The following ARHGAP31 variants were observed in gnomAD, a reference collection of about 807,000 sequenced individuals.
ARHGAP31 encodes Rho GTPase activating protein 31, also known as rho GTPase-activating protein 31.
In ARHGAP31, 34 loss-of-function variants were observed where a neutral mutation model predicts 113.9. The ratio of observed to expected loss-of-function variants is 0.30; its 90% CI spans 0.23 to 0.40. ARHGAP31 has a LOEUF of 0.40. Ranked by LOEUF, ARHGAP31 falls within the 10% of genes least tolerant of loss-of-function variation. ARHGAP31 has a pLI of 1.00. For missense variants in ARHGAP31, 1,548 were observed against 1,767.1 expected, an observed-to-expected ratio of 0.88 and a Z score of 2.22; for synonymous variants, 650 against 684.8, an observed-to-expected ratio of 0.95 and a Z score of 0.79.
At chr3:119,409,161 C>T (rs188717874) in intron 10 of ARHGAP31, among the ~76,000 whole-genome samples, 4 of 152,268 alleles carry the variant, frequency 2.6e-5, no homozygotes, top group East Asian at 1.9e-4. Context: ...CAGTAGCATT[C>T]ACCCCTCCCC....
chr3:119,300,279 A>G (rs2079569682), intron 1 of ARHGAP31, among the ~76,000 whole-genome samples: 1 of 152,218 alleles, frequency 6.6e-6, no homozygotes, highest in African/African-American at 2.4e-5. Flanking sequence ...AGCTATTATC[A>G]TGGCACCCTG....
chr3:119,406,041 T>C (rs2080657797), intron 10 of ARHGAP31, among the ~76,000 whole-genome samples: 1 of 152,166 alleles, frequency 6.6e-6, no homozygotes, highest in Non-Finnish European at 1.5e-5. Flanking sequence ...TGGATTCAAT[T>C]GGAATCACTG....
rs1025447113 is a variant in ARHGAP31 at position 119,417,777 on chromosome 3, A to G, written c.*1513A>G. ...CAGCTGGCGAGAGAAAGGAGAACTA[A>G]TATACCTGCTGGCAGATTTTTGGTG... On this transcript the variant is annotated 3_prime_UTR_variant, in exon 12 of 12. Coordinates refer to ENST00000264245, the MANE Select transcript of ARHGAP31 (RefSeq NM_020754.4). The G allele has an allele frequency of 5.3e-5, 8 of 152,146 alleles. No individual in the cohort carries two copies. Among genetic ancestry groups the G allele is most frequent in the Admixed American group, 5.2e-4 (8 of 15,272 alleles). The allele number at this position is 152,146 out of a possible 1,614,324, so 9.4% of individuals were successfully genotyped here. A position where few individuals can be genotyped will look rare whatever the true frequency, so the allele number is the denominator to read the frequency against.
At chr3:119,359,934 C>T (rs1231824042) in intron 1 of ARHGAP31, among the ~76,000 whole-genome samples, 1 of 151,906 alleles carries the variant, frequency 6.6e-6, no homozygotes, top group African/African-American at 2.4e-5. Flanking sequence ...TGTCTTGTCT[C>T]CCTCATTATC....
rs565728106 is a variant in ARHGAP31 at position 119,382,398 on chromosome 3, A to T, written c.538A>T (p.Arg180Trp). The part of the protein sequence containing the change: ...LALVWAPNLL[R>W]SKEIEATGCN... ...CCTGGTGTGGGCGCCAAACCTCCTC[A>T]GGTAACCACTCTACCCTCCCCTTGT... Residue 180 changes from arginine to tryptophan, a missense_variant and splice_region_variant, in exon 5 of 12, where the codon AGG becomes TGG. Arg to Trp is a moderately radical substitution (Grantham distance 101, BLOSUM62 -3). Coordinates refer to ENST00000264245, the MANE Select transcript of ARHGAP31 (RefSeq NM_020754.4). 1.7e-5 allele frequency: 27 copies of T among 1,613,844 alleles called. No homozygotes were observed. The East Asian group carries it at 5.6e-4, about 33-fold the overall frequency.
At chr3:119,318,400 C>T (rs1296295111) in intron 1 of ARHGAP31, among the ~76,000 whole-genome samples, 3 of 152,172 alleles carry the variant, frequency 2.0e-5, no homozygotes, top group Middle Eastern at 3.2e-3. Context: ...ATTTCAAAGA[C>T]GGCATTATTG....
At chr3:119,337,533 C>A (rs544344238) in intron 1 of ARHGAP31, among the ~76,000 whole-genome samples, 1 of 152,174 alleles carries the variant, frequency 6.6e-6, no homozygotes, top group Admixed American at 6.5e-5. Flanking sequence ...ACTGTGGGTG[C>A]CAGTGGCCTG....
rs75088432 is a variant in ARHGAP31, at chr3:119,306,889, A to G, written c.100+11885A>G. Among the ~76,000 whole-genome samples the G allele has an allele frequency of 2.5e-4, 38 of 152,336 alleles. No homozygotes were observed. The South Asian group carries it at 7.5e-3, about 30-fold the overall frequency. On this transcript the variant is annotated intron_variant, in intron 1 of 11. Coordinates refer to ENST00000264245, the MANE Select transcript of ARHGAP31 (RefSeq NM_020754.4). ...CTTCATTATACTTTTATATTGCCCA[A>G]CATTTCAACACTGAAGATACATTTT...
intron 8 of ARHGAP31, among the ~76,000 whole-genome samples, chr3:119,394,911 C>A (rs1459214526): frequency 6.6e-6 from 1 of 152,116 alleles, no homozygotes; most frequent in Admixed American, 6.6e-5. Flanking sequence ...GCTAATGGTT[C>A]TTAGGAGACA....
chr3:119,387,111 AC>A (rs35480416), intron 6 of ARHGAP31, among the ~76,000 whole-genome samples: 31,854 of 151,340 alleles, frequency 0.21, 3,629 homozygotes, highest in East Asian at 0.33. Context: ...GGAAAGGGAG[AC>A]CCCCCTTTCC....
chr3:119,368,245 G>A (rs2080266445), intron 2 of ARHGAP31, 127 bp from the exon 3 acceptor site: 8 of 1,268,480 alleles, frequency 6.3e-6, no homozygotes, highest in Non-Finnish European at 7.8e-6. Context: ...AGATCTTTTT[G>A]AATTAAGGTC....
intron 1 of ARHGAP31, among the ~76,000 whole-genome samples, chr3:119,342,148 CTG>C (rs1322142784): frequency 6.6e-6 from 1 of 152,018 alleles, no homozygotes; most frequent in Non-Finnish European, 1.5e-5. Context: ...TGTCCTGTGA[CTG>C]TGTGTGTGTT....
At chr3:119,297,245 A>G (rs1233636263) in intron 1 of ARHGAP31, among the ~76,000 whole-genome samples, 1 of 152,212 alleles carries the variant, frequency 6.6e-6, no homozygotes, top group African/African-American at 2.4e-5. Context: ...GTCAGTGCTA[A>G]TGGTTTTCTC....
intron 1 of ARHGAP31, among the ~76,000 whole-genome samples, chr3:119,317,614 A>T (rs550332343): frequency 1.3e-5 from 2 of 152,318 alleles, no homozygotes; most frequent in South Asian, 4.1e-4. Flanking sequence ...TTTTATGTGA[A>T]CACTAACAAC....
chr3:119,346,209 A>T (rs1312720965), intron 1 of ARHGAP31, among the ~76,000 whole-genome samples: 1 of 152,144 alleles, frequency 6.6e-6, no homozygotes, highest in East Asian at 1.9e-4. Context: ...TGCTACTTCC[A>T]TCTCTTCAGT....
Position 119,295,144 on chromosome 3 carries a change from T to C in ARHGAP31, c.100+140T>C, listed in dbSNP as rs1262469128. On this transcript the variant is annotated intron_variant, in intron 1 of 11. Coordinates refer to ENST00000264245, the MANE Select transcript of ARHGAP31 (RefSeq NM_020754.4). ...GCGCTCATTGCACTTTTTTTTCTTT[T>C]TTTTTTTTAAAGAACATAAACGATT... The C allele has an allele frequency of 5.1e-6, 4 of 785,834 alleles. No individual in the cohort carries two copies. In the African/African-American group the frequency reaches 7.0e-5, roughly 14 times the overall value. 48.7% of individuals were successfully genotyped at this position (785,834 alleles called of 1,614,324 possible). A position where few individuals can be genotyped will look rare whatever the true frequency, so the allele number is the denominator to read the frequency against.
At chr3:119,308,758 G>T (rs2079652717) in intron 1 of ARHGAP31, among the ~76,000 whole-genome samples, 1 of 152,214 alleles carries the variant, frequency 6.6e-6, no homozygotes, top group Non-Finnish European at 1.5e-5. Flanking sequence ...CCTCCAGAAA[G>T]GTGTCGCACT....
rs1325895049 is a variant in ARHGAP31 at position 119,417,270 on chromosome 3, T to C, written c.*1006T>C. 1 of 152,164 alleles carries C rather than the reference T, an allele frequency of 6.6e-6. No homozygotes were observed. Among genetic ancestry groups the C allele is most frequent in the Admixed American group, 6.5e-5 (1 of 15,278 alleles). The allele number at this position is 152,164 out of a possible 1,614,324, so 9.4% of individuals were successfully genotyped here. On this transcript the variant is annotated 3_prime_UTR_variant, in exon 12 of 12. Coordinates refer to ENST00000264245, the MANE Select transcript of ARHGAP31 (RefSeq NM_020754.4). ...AAATATTCTAGCTCAGCTTTACTCT[T>C]CTTCCACACTAGGCTGGGCCCAGCA...
chr3:119,335,735 G>A (rs1190412016), intron 1 of ARHGAP31, among the ~76,000 whole-genome samples: 1 of 152,200 alleles, frequency 6.6e-6, no homozygotes, highest in African/African-American at 2.4e-5. Context: ...ACAGCTGTCA[G>A]GAGTTGTTCT....
Sources: allele counts gnomAD v4.1 joint callset (sites outside exome capture counted in the v4.1 genomes callset), GRCh38; gene constraint gnomAD v4.1.1; transcripts MANE v1.5; gene names NCBI Gene and HGNC (gene_info 2026-07-23, HGNC 2026-07-21).